The following COQ8A variants were observed in gnomAD, a reference collection of about 807,000 sequenced individuals.
COQ8A encodes the protein atypical kinase COQ8A, mitochondrial.
COQ8A carries 51 observed loss-of-function variants against 65.0 expected under a neutral mutation model. The ratio of observed to expected loss-of-function variants is 0.78; its 90% CI spans 0.63 to 0.99. The LOEUF is 0.99. COQ8A is among the 50% of genes least tolerant of loss of function. The probability of loss-of-function intolerance (pLI) is 0.00; values close to 1 mark genes in which losing one functional copy is unlikely to be tolerated. For missense variants in COQ8A, 940 were observed against 875.0 expected (o/e 1.07, Z -0.94); for synonymous variants, 371 against 353.2 (o/e 1.05, Z -0.57).
Position 226,984,018 on chromosome 1 carries a change from G to C in COQ8A, c.1257-76G>C, listed in dbSNP as rs941212672. 166 of 1,542,990 alleles carry C rather than the reference G, an allele frequency of 1.1e-4. 1 individual carries two copies. The African/African-American group carries it at 1.9e-3, about 17-fold the overall frequency. On this transcript the variant is annotated intron_variant, in intron 10 of 14. Coordinates refer to ENST00000366777, the MANE Select transcript of COQ8A (RefSeq NM_020247.5). ...TGGGGTGAAGGAGGGCCCTCTGCCT[G>C]GTTGGGGGGTGTGTGTGGGGGGGGG...
At chr1:226,983,416 C>G (rs1438282776) in intron 8 of COQ8A, 136 bp from the exon 9 acceptor site, 6 of 844,574 alleles carry the variant, frequency 7.1e-6, no homozygotes, top group Admixed American at 6.0e-5. Context: ...ATGGCTGGGT[C>G]TTAGCTCTGG....
At position 226,986,546 on chromosome 1, in the gene COQ8A, G is replaced by C. The variant is rs758986425; in HGVS notation, c.1753G>C (p.Glu585Gln). The C allele has an allele frequency of 2.2e-5, 36 of 1,613,820 alleles. No homozygotes were observed. Among genetic ancestry groups the C allele is most frequent in the Non-Finnish European group, 2.8e-5 (33 of 1,180,008 alleles). The change falls in exon 15 of 15, where the codon GAG becomes CAG. Residue 585 changes from glutamate to glutamine, a missense_variant. Transcript: ENST00000366777. The part of the protein sequence containing the change: ...PFDFGTQSTT[E>Q]KIHNLIPVML... ...TGATTTTGGCACTCAGAGCACCACC[G>C]AGAAGATCCACAACCTGATTCCCGT...
chr1:226,968,920 A>C (rs28660358), intron 4 of COQ8A, among the ~76,000 whole-genome samples: 18,391 of 152,154 alleles, frequency 0.12, 1,111 homozygotes, highest in East Asian at 0.18. Context: ...TATATTGGAT[A>C]TGGGGTCAGA....
chr1:226,945,597 C>T (rs1656988639), intron 1 of COQ8A, among the ~76,000 whole-genome samples: 1 of 152,198 alleles, frequency 6.6e-6, no homozygotes, highest in Admixed American at 6.5e-5. Flanking sequence ...AATCCTGTGG[C>T]TCTTGCTCCC....
intron 5 of COQ8A, 29 bp from the exon 6 acceptor site, chr1:226,981,998 C>T: frequency 6.2e-7 from 1 of 1,612,830 alleles, no homozygotes; most frequent in Non-Finnish European, 8.5e-7. Flanking sequence ...CCCCCGAGTG[C>T]CGTGGTGACC....
At chr1:226,978,278 C>T (rs960321446) in intron 5 of COQ8A, among the ~76,000 whole-genome samples, 7 of 107,096 alleles carry the variant, frequency 6.5e-5, no homozygotes, top group South Asian at 2.9e-4. Flanking sequence ...ACTGAACACC[C>T]GCACACCTCC....
chr1:226,947,406 A>C (rs1383603657), intron 1 of COQ8A, among the ~76,000 whole-genome samples: 1 of 152,202 alleles, frequency 6.6e-6, no homozygotes, highest in Non-Finnish European at 1.5e-5. Flanking sequence ...AGGTAATATA[A>C]AGTGACAGGC....
chr1:226,954,290 C>T (rs535325391), intron 1 of COQ8A, among the ~76,000 whole-genome samples: 1 of 152,356 alleles, frequency 6.6e-6, no homozygotes, highest in South Asian at 2.1e-4. Context: ...CAAAGCCAGA[C>T]TCTTGGGAAG....
chr1:226,969,627 G>A (rs761515228), intron 4 of COQ8A, among the ~76,000 whole-genome samples: 1 of 151,860 alleles, frequency 6.6e-6, no homozygotes, highest in African/African-American at 2.4e-5. Flanking sequence ...CTCATTGTCT[G>A]ATATTACTAT....
chr1:226,982,236 A>G (rs1353090367), intron 6 of COQ8A, 87 bp downstream of exon 6: 3 of 1,510,772 alleles, frequency 2.0e-6, no homozygotes, highest in Admixed American at 2.0e-5. Flanking sequence ...GGCCCCACCA[A>G]AGCTCAGTGG....
intron 12 of COQ8A, 69 bp from the exon 13 acceptor site, chr1:226,984,807 C>A (rs1304721971): frequency 1.3e-6 from 2 of 1,564,708 alleles, no homozygotes; most frequent in Admixed American, 3.4e-5. Flanking sequence ...GTTGCACCCC[C>A]TTCCCGGCCC....
At chr1:226,962,537 G>C (rs933006842) in intron 2 of COQ8A, among the ~76,000 whole-genome samples, 4 of 152,186 alleles carry the variant, frequency 2.6e-5, no homozygotes, top group African/African-American at 9.7e-5. Context: ...GTGTGTGTGC[G>C]CTTAGGCATG....
At chr1:226,966,189 C>T (rs577278182) in intron 4 of COQ8A, among the ~76,000 whole-genome samples, 1 of 152,334 alleles carries the variant, frequency 6.6e-6, no homozygotes, top group African/African-American at 2.4e-5. Context: ...TTAGGGAGCC[C>T]ATTTGCTGGG....
chr1:226,986,743 C>CG lies in COQ8A; in HGVS notation c.*9dup, dbSNP rs1660145841. ...AGAGGCAGGCCCAGCAGTAGGGCTG[C>CG]GGGCCACGCCCAGGCCGGCTCCGCG... On this transcript the variant is annotated 3_prime_UTR_variant, in exon 15 of 15. Transcript: ENST00000366777. 6.2e-7 allele frequency: 1 copy of CG among 1,611,308 alleles called. No homozygotes were observed. Among genetic ancestry groups the CG allele is most frequent in the Admixed American group, 1.7e-5 (1 of 59,900 alleles).
At chr1:226,943,603 G>T (rs1036719591) in intron 1 of COQ8A, among the ~76,000 whole-genome samples, 2 of 152,234 alleles carry the variant, frequency 1.3e-5, no homozygotes, top group Admixed American at 6.5e-5. Flanking sequence ...TTCTAATCAG[G>T]GGGAGGAGCT....
intron 2 of COQ8A, among the ~76,000 whole-genome samples, chr1:226,963,186 C>T (rs983445643): frequency 7.9e-5 from 12 of 152,294 alleles, no homozygotes; most frequent in East Asian, 7.7e-4. Flanking sequence ...ATCAGTCACT[C>T]GGAGGTAGGG....
chr1:226,960,662 G>A (rs959521414), intron 1 of COQ8A, among the ~76,000 whole-genome samples: 1 of 150,986 alleles, frequency 6.6e-6, no homozygotes, highest in Non-Finnish European at 1.5e-5. Flanking sequence ...GGTGGTGGTG[G>A]TGGTTGTTCA....
Position 226,972,933 on chromosome 1 carries a change from T to TATC in COQ8A, c.656-4514_656-4512dup, listed in dbSNP as rs765153280. ...ACTTAGTTTTGTGAAAGACTCACAGTATCACTTGGTTTCTGGACACGGTTC... is the reference window on the plus strand; with the variant it reads ...ACTTAGTTTTGTGAAAGACTCACAGTATCATCACTTGGTTTCTGGACACGGTTC... On this transcript the variant is annotated intron_variant, in intron 4 of 14. Transcript: ENST00000366777. The surrounding 1 kb of genome is among the most constrained non-coding windows in gnomAD (Gnocchi z 4.3). 1.6e-4 allele frequency among the ~76,000 whole-genome samples: 24 copies of TATC among 152,374 alleles called. No homozygotes were observed. Among genetic ancestry groups the TATC allele is most frequent in the Admixed American group, 9.1e-4 (14 of 15,306 alleles).
intron 5 of COQ8A, among the ~76,000 whole-genome samples, chr1:226,980,921 CCT>C (rs1353966163): frequency 6.6e-6 from 1 of 152,248 alleles, no homozygotes; most frequent in East Asian, 1.9e-4. Flanking sequence ...GGCACGGTCA[CCT>C]CTCTCTTCCC....
Sources: allele counts gnomAD v4.1 joint callset (sites outside exome capture counted in the v4.1 genomes callset), GRCh38; gene constraint gnomAD v4.1.1; non-coding constraint Gnocchi (gnomAD v3.1); transcripts MANE v1.5; gene names NCBI Gene and HGNC (gene_info 2026-07-23, HGNC 2026-07-21).